The following FGF14 variants were observed in gnomAD, a reference collection of about 807,000 sequenced individuals.
FGF14 encodes fibroblast growth factor 14.
In FGF14, 5 loss-of-function variants were observed where a neutral mutation model predicts 25.5. The observed-to-expected ratio is 0.20, with a 90% CI of 0.10 to 0.41. FGF14 has a LOEUF of 0.41. Ranked by LOEUF, FGF14 falls within the 10% of genes least tolerant of loss-of-function variation. FGF14 has a pLI of 1.00. For synonymous variants in FGF14, 138 were observed against 118.3 expected (o/e 1.17, Z -1.08); for missense variants, 222 against 320.1 (o/e 0.69, Z 2.34).
intron 1 of FGF14, among the ~76,000 whole-genome samples, chr13:102,206,128 AAC>A (rs59340568): frequency 2.0e-4 from 30 of 146,928 alleles, no homozygotes; most frequent in East Asian, 1.4e-3. Flanking sequence ...TCAACCTTCA[AAC>A]ACACACACAC....
At chr13:101,891,463 G>C (rs1008523266) in intron 1 of FGF14, among the ~76,000 whole-genome samples, 1 of 152,142 alleles carries the variant, frequency 6.6e-6, no homozygotes, top group Non-Finnish European at 1.5e-5. Context: ...GGTCCTCATA[G>C]TCTGCTCTGT....
intron 1 of FGF14, among the ~76,000 whole-genome samples, chr13:101,899,818 T>C (rs1301338515): frequency 6.6e-6 from 1 of 152,064 alleles, no homozygotes; most frequent in African/African-American, 2.4e-5. Flanking sequence ...ATGGGAGATA[T>C]TTAATGCAGT....
chr13:102,120,793 T>C (rs896423165), intron 1 of FGF14, among the ~76,000 whole-genome samples: 4 of 150,814 alleles, frequency 2.7e-5, no homozygotes, highest in African/African-American at 9.8e-5. Context: ...AACCACCACC[T>C]TCCAGGCTCA....
Position 101,718,650 on chromosome 13 carries a change from C to T in FGF14, c.*4181G>A, listed in dbSNP as rs1358632590. The T allele has an allele frequency of 6.6e-6, 1 of 152,024 alleles. No homozygotes were observed. The highest frequency in any genetic ancestry group is 1.9e-4 in the East Asian group (1 of 5,172). The allele number at this position is 152,024 out of a possible 1,614,324, so 9.4% of individuals were successfully genotyped here. On this transcript the variant is annotated 3_prime_UTR_variant, in exon 5 of 5. Coordinates refer to ENST00000376143, the MANE Select transcript of FGF14 (RefSeq NM_004115.4). ...AAGTCATAAGAGGAGAGCCATTATA[C>T]CCGTTGTCTTTCTGGGCTCCTTGAG...
intron 1 of FGF14, among the ~76,000 whole-genome samples, chr13:102,161,729 G>C (rs372210723): frequency 6.8e-6 from 1 of 146,076 alleles, no homozygotes; most frequent in Non-Finnish European, 1.5e-5. Context: ...AAGAAGAATA[G>C]AAATGTGTTT....
rs2034740617 is a variant in FGF14 at position 101,716,776 on chromosome 13, A to C, written c.*6055T>G. The C allele has an allele frequency of 8.5e-6, 1 of 116,976 alleles. No individual in the cohort carries two copies. Among genetic ancestry groups the C allele is most frequent in the African/African-American group, 3.3e-5 (1 of 30,416 alleles). 7.2% of individuals were successfully genotyped at this position (116,976 alleles called of 1,614,324 possible). A position where few individuals can be genotyped will look rare whatever the true frequency, so the allele number is the denominator to read the frequency against. ...TGTGATAAAATGGCACCAATCTCAG[A>C]AGCTCACAAAAGACCAAAAAAAAAA... On this transcript the variant is annotated 3_prime_UTR_variant, in exon 5 of 5. Coordinates refer to ENST00000376143, the MANE Select transcript of FGF14 (RefSeq NM_004115.4).
intron 1 of FGF14, among the ~76,000 whole-genome samples, chr13:102,371,685 G>A (rs1387177226): frequency 3.3e-5 from 5 of 151,978 alleles, no homozygotes; most frequent in African/African-American, 9.7e-5. Flanking sequence ...ATAGAAGATC[G>A]ATGTGCCAAG....
chr13:101,980,853 T>C (rs2038204720), intron 1 of FGF14, among the ~76,000 whole-genome samples: 1 of 152,182 alleles, frequency 6.6e-6, no homozygotes, highest in Non-Finnish European at 1.5e-5. Flanking sequence ...CCCAAATTCC[T>C]ATGTTGAAAT....
At chr13:102,002,553 CA>C in intron 1 of FGF14, 1 of 167,292 alleles carries the variant, frequency 6.0e-6, no homozygotes, top group Non-Finnish European at 1.3e-5. Flanking sequence ...CTGTCCAACC[CA>C]AATGGAATGT....
intron 1 of FGF14, among the ~76,000 whole-genome samples, chr13:102,344,226 C>A (rs371790904): frequency 6.6e-5 from 10 of 152,154 alleles, no homozygotes; most frequent in African/African-American, 2.2e-4. Flanking sequence ...ACTTAGATGT[C>A]AGAATATTTT....
At chr13:102,217,733 A>C (rs1566828083) in intron 1 of FGF14, among the ~76,000 whole-genome samples, 1 of 152,192 alleles carries the variant, frequency 6.6e-6, no homozygotes. Context: ...ACAACTCCGC[A>C]GGCAGAGCAA....
At chr13:101,776,519 C>T (rs528866818) in intron 3 of FGF14, among the ~76,000 whole-genome samples, 2 of 152,066 alleles carry the variant, frequency 1.3e-5, no homozygotes, top group East Asian at 3.9e-4. Flanking sequence ...TGTCAGATCT[C>T]AGCTGGCAAA....
chr13:102,370,439 T>C (rs1229583463), intron 1 of FGF14, among the ~76,000 whole-genome samples: 2 of 152,036 alleles, frequency 1.3e-5, no homozygotes, highest in African/African-American at 2.4e-5. Flanking sequence ...ACAAATATTT[T>C]TGTTTGTTTG....
At chr13:102,199,829 C>A (rs1002274108) in intron 1 of FGF14, among the ~76,000 whole-genome samples, 1 of 152,176 alleles carries the variant, frequency 6.6e-6, no homozygotes, top group Non-Finnish European at 1.5e-5. Context: ...GACTTTAGAG[C>A]GTGTTTCTCT....
At position 102,012,987 on chromosome 13, in the gene FGF14, C is replaced by T. The variant is rs558738786; in HGVS notation, c.209-137691G>A. Among the ~76,000 whole-genome samples the T allele has an allele frequency of 3.3e-5, 5 of 152,190 alleles. No homozygotes were observed. The South Asian group carries it at 1.0e-3, about 32-fold the overall frequency. On this transcript the variant is annotated intron_variant, in intron 1 of 4. Transcript: ENST00000376131. ...GATGAATTACCCATTCAAAGCATCTCCTCACCAATTTTAGTAAAAAACATA... is the reference window on the plus strand; with the variant it reads ...GATGAATTACCCATTCAAAGCATCTTCTCACCAATTTTAGTAAAAAACATA...
At chr13:102,325,599 A>T (rs1276057069) in intron 1 of FGF14, among the ~76,000 whole-genome samples, 2 of 152,156 alleles carry the variant, frequency 1.3e-5, no homozygotes, top group African/African-American at 4.8e-5. Flanking sequence ...CCTTCCTTCA[A>T]GAGGCCTGCA....
rs528303531 is a variant in FGF14 at position 102,040,807 on chromosome 13, T to C, written c.209-165511A>G. ...GGAAAATTGCAGTGCCTGTCTGCTG[T>C]TTCTGTTGGGTCCAGTGGTTCTCTA... On this transcript the variant is annotated intron_variant, in intron 1 of 4. Transcript: ENST00000376131. Among the ~76,000 whole-genome samples the C allele has an allele frequency of 8.5e-5, 13 of 152,302 alleles. No individual in the cohort carries two copies. In the East Asian group the frequency reaches 2.5e-3, roughly 29 times the overall value.
At chr13:101,939,195 T>G (rs1193077063) in intron 1 of FGF14, among the ~76,000 whole-genome samples, 1 of 152,212 alleles carries the variant, frequency 6.6e-6, no homozygotes, top group African/African-American at 2.4e-5. Flanking sequence ...TTTCCTTTGT[T>G]ATACTTTCTC....
At chr13:102,264,388 C>T (rs764076172) in intron 1 of FGF14, among the ~76,000 whole-genome samples, 19 of 152,150 alleles carry the variant, frequency 1.2e-4, no homozygotes, top group South Asian at 1.2e-3. Context: ...ATATAAAGCA[C>T]GAAAACTGGC....
Sources: gnomAD v4.1 joint callset for allele counts (sites outside exome capture counted in the v4.1 genomes callset) on GRCh38, gnomAD v4.1.1 for gene constraint, MANE v1.5 for transcripts, NCBI Gene and HGNC (gene_info 2026-07-23, HGNC 2026-07-21) for gene names.